Variants in DPH6 observed in about 807,000 individuals in gnomAD.
DPH6 encodes diphthamine biosynthesis 6, also known as diphthine--ammonia ligase.
In DPH6, 33 loss-of-function variants were observed where a neutral mutation model predicts 38.2. The observed-to-expected ratio is 0.86, with a 90% CI of 0.65 to 1.15. DPH6 has a LOEUF of 1.15. DPH6 is among the 50% of genes most tolerant of loss of function. The probability of loss-of-function intolerance (pLI) is 0.00; values close to 1 mark genes in which losing one functional copy is unlikely to be tolerated. For missense variants in DPH6, 325 were observed against 320.0 expected (o/e 1.02, Z -0.12); for synonymous variants, 108 against 103.0 (o/e 1.05, Z -0.30).
intron 3 of DPH6, among the ~76,000 whole-genome samples, chr15:35,508,498 G>C (rs546189245): frequency 6.6e-6 from 1 of 152,116 alleles, no homozygotes; most frequent in East Asian, 1.9e-4. Context: ...AACCATATTT[G>C]TACAACCTGA....
At chr15:35,305,901 T>C (rs1161169248) in intron 3 of DPH6, among the ~76,000 whole-genome samples, 1 of 152,148 alleles carries the variant, frequency 6.6e-6, no homozygotes, top group South Asian at 2.1e-4. Flanking sequence ...TTTGGGTAAT[T>C]GTATTGCTGG....
At chr15:35,302,801 T>C (rs1011913596) in intron 3 of DPH6, among the ~76,000 whole-genome samples, 1 of 152,144 alleles carries the variant, frequency 6.6e-6, no homozygotes, top group African/African-American at 2.4e-5. Context: ...TTTTCTTTTT[T>C]TTTTTTCTCA....
chr15:35,383,433 T>A (rs2052899048), intron 6 of DPH6, among the ~76,000 whole-genome samples: 1 of 152,240 alleles, frequency 6.6e-6, no homozygotes, highest in African/African-American at 2.4e-5. Flanking sequence ...AAAATAGTTA[T>A]TAGCCAGGCC....
chr15:35,328,361 G>GTCTC (rs573547572), downstream of DPH6, among the ~76,000 whole-genome samples: 1 of 150,688 alleles, frequency 6.6e-6, no homozygotes, highest in African/African-American at 2.4e-5. Context: ...TTCCCTTTTT[G>GTCTC]TCTCTCTCTC....
At chr15:35,239,491 T>C (rs2051581907) in intron 3 of DPH6, among the ~76,000 whole-genome samples, 1 of 144,160 alleles carries the variant, frequency 6.9e-6, no homozygotes, top group Admixed American at 7.4e-5. Context: ...CAGGGACGCC[T>C]GCCTTGGTCC....
chr15:35,337,475 G>A, intron 3 of DPH6, among the ~76,000 whole-genome samples: 1 of 152,062 alleles, frequency 6.6e-6, no homozygotes, highest in African/African-American at 2.4e-5. Context: ...AACTTACAAG[G>A]GACGTGAAGG....
chr15:35,156,944 A>G, the DPH6 span, among the ~76,000 whole-genome samples: 12 of 152,120 alleles, frequency 7.9e-5, no homozygotes, highest in Non-Finnish European at 1.6e-4. Flanking sequence ...TGCTTCTTTG[A>G]ACTAATTTTG....
chr15:35,375,289 C>T (rs1159510184), intron 7 of DPH6, among the ~76,000 whole-genome samples: 7 of 152,080 alleles, frequency 4.6e-5, no homozygotes, highest in African/African-American at 1.7e-4. Context: ...ATGAAGAAGA[C>T]TCCAGTTTTT....
intron 3 of DPH6, among the ~76,000 whole-genome samples, chr15:35,262,930 C>G (rs1038384727): frequency 5.3e-5 from 8 of 151,914 alleles, no homozygotes; most frequent in African/African-American, 1.9e-4. Context: ...GAATTTTGCC[C>G]TTACAAATAA....
At chr15:35,396,597 TCAC>T (rs2053136614) in intron 6 of DPH6, among the ~76,000 whole-genome samples, 1 of 151,396 alleles carries the variant, frequency 6.6e-6, no homozygotes, top group Non-Finnish European at 1.5e-5. Flanking sequence ...CTGAATTTTC[TCAC>T]AACATGTAAT....
chr15:35,381,899 T>C lies in DPH6; in HGVS notation c.585A>G (p.Gly195=). 6.2e-7 allele frequency: 1 copy of C among 1,611,974 alleles called. No homozygotes were observed. Among genetic ancestry groups the C allele is most frequent in the South Asian group, 1.1e-5 (1 of 90,494 alleles). The change falls in exon 7 of 9, where the codon GGA becomes GGG. Residue 195 remains glycine, a synonymous_variant. Coordinates refer to ENST00000256538, the MANE Select transcript of DPH6 (RefSeq NM_080650.4). Reference sequence around the variant, plus strand: ...CTCCACCTTCTCCACAAACATGTACTCCATACTTCTTAGAAAGCTGAAAAT... The same window carrying C: ...CTCCACCTTCTCCACAAACATGTACCCCATACTTCTTAGAAAGCTGAAAAT... ...PYLIELSKKY[G]VHVCGEGGEY... is the part of the protein sequence containing the mutation.
At chr15:35,493,721 G>C (rs1370323340) in intron 3 of DPH6, among the ~76,000 whole-genome samples, 5 of 152,118 alleles carry the variant, frequency 3.3e-5, no homozygotes, top group African/African-American at 1.2e-4. Flanking sequence ...AAGAGCATGT[G>C]AACTGGTTTG....
At chr15:35,456,686 C>T (rs2054001887) in intron 3 of DPH6, among the ~76,000 whole-genome samples, 1 of 151,756 alleles carries the variant, frequency 6.6e-6, no homozygotes, top group African/African-American at 2.4e-5. Flanking sequence ...CGGGGTTTCA[C>T]CATATTGGCC....
At chr15:35,329,061 C>T (rs1188382760), downstream of DPH6, among the ~76,000 whole-genome samples, 1 of 152,216 alleles carries the variant, frequency 6.6e-6, no homozygotes, top group African/African-American at 2.4e-5. Flanking sequence ...GTCCCTCCCA[C>T]ATGGGAATTA....
At chr15:35,152,718 C>T in the DPH6 span, among the ~76,000 whole-genome samples, 4,615 of 152,222 alleles carry the variant, frequency 0.03, 246 homozygotes, top group African/African-American at 0.11. Flanking sequence ...AGGCTCTTCT[C>T]GAACTCCTGA....
chr15:35,510,226 A>G (rs973265418), intron 3 of DPH6, among the ~76,000 whole-genome samples: 1 of 152,142 alleles, frequency 6.6e-6, no homozygotes, highest in Admixed American at 6.6e-5. Flanking sequence ...AAACAAAAAC[A>G]AAAAACAGGT....
chr15:35,353,415 C>A (rs1029495732), intron 3 of DPH6, among the ~76,000 whole-genome samples: 7 of 152,144 alleles, frequency 4.6e-5, no homozygotes, highest in Non-Finnish European at 1.0e-4. Flanking sequence ...GGTTTTAAGT[C>A]TAACATGTAA....
intron 3 of DPH6, among the ~76,000 whole-genome samples, chr15:35,317,566 T>C (rs1483990222): frequency 7.0e-6 from 1 of 141,980 alleles, no homozygotes; most frequent in Non-Finnish European, 1.5e-5. Context: ...CACTAAAATA[T>C]ATACTAACAT....
chr15:35,229,797 T>C (rs2051504932), intron 3 of DPH6, among the ~76,000 whole-genome samples: 1 of 152,230 alleles, frequency 6.6e-6, no homozygotes, highest in Non-Finnish European at 1.5e-5. Context: ...CTTGTAGAGG[T>C]ATACTGCCTT....
Sources: gnomAD v4.1 joint callset for allele counts (sites outside exome capture counted in the v4.1 genomes callset) on GRCh38, gnomAD v4.1.1 for gene constraint, MANE v1.5 for transcripts, NCBI Gene and HGNC (gene_info 2026-07-23, HGNC 2026-07-21) for gene names.